RYR1: variants seen among roughly 807,000 people sequenced by gnomAD.
RYR1 encodes the protein ryanodine receptor 1, also known as central core disease of muscle.
In RYR1, 342 loss-of-function variants were observed where a neutral mutation model predicts 583.5. The observed-to-expected ratio is 0.59, with a 90% CI of 0.54 to 0.64. The LOEUF is 0.64. Among genes scored for constraint, RYR1 ranks in the 30% least tolerant of loss-of-function variants. The pLI, the probability that RYR1 is intolerant of heterozygous loss-of-function variation, is 0.00. For synonymous variants in RYR1, 2,791 were observed against 2,822.5 expected (o/e 0.99, Z 0.35); for missense variants, 6,032 against 6,917.2 (o/e 0.87, Z 4.54).
chr19:38,502,784 G>GGCAGGGGGAGGA (rs1970222459), intron 48 of RYR1, 57 bp downstream of exon 48: 2 of 1,181,036 alleles, frequency 1.7e-6, no homozygotes, highest in Non-Finnish European at 1.2e-6. Context: ...CAGGGGCAGG[G>GGCAGGGGGAGGA]GCAGGGGCAG....
chr19:38,470,696 T>C (rs1968377561), intron 27 of RYR1, among the ~76,000 whole-genome samples: 1 of 151,956 alleles, frequency 6.6e-6, no homozygotes, highest in East Asian at 1.9e-4. Context: ...TAAGCTGAGG[T>C]TGCACCACTG....
Position 38,526,426 on chromosome 19 carries a change from C to A in RYR1, c.10627-567C>A, listed in dbSNP as rs138283628. The stretch of plus-strand genomic sequence containing the variant: ...GACTTCTCCCCTGCTACCACCAGGA[C>A]ACCCCTTCCCTCAGAACCTCAGGCA... On this transcript the variant is annotated intron_variant, in intron 71 of 105. Transcript: ENST00000359596. 9.2e-5 allele frequency among the ~76,000 whole-genome samples: 14 copies of A among 151,922 alleles called. No individual in the cohort carries two copies. In the East Asian group the frequency reaches 2.7e-3, roughly 30 times the overall value.
At chr19:38,443,851 G>C (rs564338227) in intron 5 of RYR1, 55 bp downstream of exon 5, 5 of 1,527,100 alleles carry the variant, frequency 3.3e-6, no homozygotes, top group African/African-American at 1.4e-5. Context: ...AGGGATTCAG[G>C]GGGTAGAAGG....
rs1032640660 is a variant in RYR1, at chr19:38,444,449, G to C, written c.538-135G>C. On this transcript the variant is annotated intron_variant, in intron 6 of 105. Transcript: ENST00000359596. The surrounding 1 kb of genome is among the most constrained non-coding windows in gnomAD (Gnocchi z 5.1). ...CCATTGCCCGACTTGATCATTTCCT[G>C]ATCTGTGATCTCTGATGACTCTGTC... The C allele has an allele frequency of 6.9e-6, 6 of 866,524 alleles. No homozygotes were observed. The highest frequency in any genetic ancestry group is 1.7e-5 in the African/African-American group (1 of 59,880). 53.7% of individuals were successfully genotyped at this position (866,524 alleles called of 1,614,324 possible).
Position 38,516,093 on chromosome 19 carries a change from G to C in RYR1, c.9561G>C (p.Arg3187=). The C allele has an allele frequency of 1.3e-6, 2 of 1,548,636 alleles. No individual in the cohort carries two copies. The highest frequency in any genetic ancestry group is 1.7e-6 in the Non-Finnish European group (2 of 1,146,432). Reference sequence around the variant, plus strand: ...ACACAGCCCCGTCTTCCAGGCTTCGGCCAGCCCTCGGGGAGTGCCTGGCCC... The same window carrying C: ...ACACAGCCCCGTCTTCCAGGCTTCGCCCAGCCCTCGGGGAGTGCCTGGCCC... ...TTKNTYVEKL[R]PALGECLARL... is the part of the protein sequence containing the mutation. Residue 3187 remains arginine, a synonymous_variant, in exon 65 of 106, where the codon CGG becomes CGC. Coordinates refer to ENST00000359596, the MANE Select transcript of RYR1 (RefSeq NM_000540.3).
rs763831182 is a variant in RYR1, at chr19:38,561,293, C to G, written c.12463C>G (p.His4155Asp). ...LLTNLSEHVP[H>D]DPRLHNFLEL... ...GACCAACCTGTCGGAGCATGTGCCG[C>G]ATGACCCTCGCCTGCACAACTTCCT... The change falls in exon 90 of 106, where the codon CAT becomes GAT. Residue 4155 changes from histidine to aspartate, a missense_variant. Around this residue, in one of 11 missense-constraint regions of RYR1, gnomAD observed 753 missense variants for 759.6 expected, o/e 0.99. Coordinates refer to ENST00000359596, the MANE Select transcript of RYR1 (RefSeq NM_000540.3). The surrounding 1 kb of genome is among the most constrained non-coding windows in gnomAD (Gnocchi z 4.8). 3 of 1,614,060 alleles carry G rather than the reference C, an allele frequency of 1.9e-6. No homozygotes were observed. The highest frequency in any genetic ancestry group is 2.5e-6 in the Non-Finnish European group (3 of 1,180,030).
chr19:38,457,340 C>A (rs1214073238), intron 16 of RYR1, among the ~76,000 whole-genome samples, 157 bp from the exon 17 acceptor site: 1 of 152,098 alleles, frequency 6.6e-6, no homozygotes, highest in Non-Finnish European at 1.5e-5. Context: ...TTCTCTGATC[C>A]CTGACCTTCC....
At chr19:38,551,725 C>G (rs1437087792) in intron 89 of RYR1, among the ~76,000 whole-genome samples, 1 of 152,082 alleles carries the variant, frequency 6.6e-6, no homozygotes, top group East Asian at 1.9e-4. Context: ...TTTCGTTTCC[C>G]TCCCCAACCC....
At position 38,473,701 on chromosome 19, in the gene RYR1, G is replaced by T. The variant is rs35869497; in HGVS notation, c.4090G>T (p.Gly1364Trp). ...EGAPGGTPQA[G>W]GEAQPARAEN... The stretch of plus-strand genomic sequence containing the variant: ...CGCCCCCGGGGGCACCCCGCAGGCG[G>T]GGGGAGAGGCGCAGCCCGCCAGGGC... Residue 1364 changes from glycine (G) to tryptophan (W), a missense_variant, in exon 28 of 106, where the codon GGG (glycine) becomes TGG (tryptophan). Gly to Trp is a radical substitution (Grantham distance 184). This residue lies in a region of RYR1 where 2,627 missense variants were observed against 2,961.3 expected (regional missense o/e 0.89). Transcript: ENST00000359596. 3.2e-6 allele frequency: 5 copies of T among 1,549,432 alleles called. No homozygotes were observed. Among genetic ancestry groups the T allele is most frequent in the Admixed American group, 2.0e-5 (1 of 50,902 alleles).
At chr19:38,501,740 T>G (rs796484749) in intron 47 of RYR1, among the ~76,000 whole-genome samples, 2 of 152,012 alleles carry the variant, frequency 1.3e-5, no homozygotes, top group African/African-American at 4.8e-5. Flanking sequence ...TGTAATAACT[T>G]TGGGAGGCCG....
At chr19:38,465,323 G>C (rs575030696) in intron 23 of RYR1, among the ~76,000 whole-genome samples, 21 of 152,010 alleles carry the variant, frequency 1.4e-4, no homozygotes, top group African/African-American at 4.8e-4. Context: ...AAATTAGCAG[G>C]ACATGGTGGT....
intron 98 of RYR1, 46 bp downstream of exon 98, chr19:38,578,094 G>A (rs1226968208): frequency 1.2e-6 from 2 of 1,613,560 alleles, no homozygotes; most frequent in Middle Eastern, 1.6e-4. Context: ...TGCAGGGGAG[G>A]TGACTGGAGT....
At chr19:38,468,928 G>A in intron 25 of RYR1, 38 bp from the exon 26 acceptor site, 1 of 1,609,132 alleles carries the variant, frequency 6.2e-7, no homozygotes, top group South Asian at 1.1e-5. Context: ...TTCTCTGTGT[G>A]TCTCCCCACA....
At position 38,507,706 on chromosome 19, in the gene RYR1, A is replaced by G; in HGVS notation, c.8817-6A>G. 1 of 1,585,784 alleles carries G rather than the reference A, an allele frequency of 6.3e-7. No homozygotes were observed. Among genetic ancestry groups the G allele is most frequent in the South Asian group, 1.1e-5 (1 of 90,368 alleles). ...GGCTGATCCTTCTCTCCACATCTCCATGCAGAGGCCTTAAGGACATGGAAC... is the reference window on the plus strand; with the variant it reads ...GGCTGATCCTTCTCTCCACATCTCCGTGCAGAGGCCTTAAGGACATGGAAC... On this transcript the variant is annotated splice_region_variant and splice_polypyrimidine_tract_variant and intron_variant, in intron 57 of 105. Coordinates refer to ENST00000359596, the MANE Select transcript of RYR1 (RefSeq NM_000540.3).
chr19:38,584,964 G>A lies in RYR1; in HGVS notation c.14668G>A (p.Val4890Met), dbSNP rs1974402863. ...TCAGTGTTACCTGTTTCACATGTAC[G>A]TGGGTGTCCGGGCTGGCGGAGGCAT... ...MMTCYLFHMY[V>M]GVRAGGGIGD... Residue 4890 changes from valine to methionine, a missense_variant, in exon 102 of 106, where the codon GTG becomes ATG. Around this residue, in one of 11 missense-constraint regions of RYR1, gnomAD observed 189 missense variants for 350.3 expected, o/e 0.54. Coordinates refer to ENST00000359596, the MANE Select transcript of RYR1 (RefSeq NM_000540.3). 1.9e-6 allele frequency: 3 copies of A among 1,613,980 alleles called. No homozygotes were observed. Among genetic ancestry groups the A allele is most frequent in the Non-Finnish European group, 1.7e-6 (2 of 1,179,972 alleles).
rs377621703 is a variant in RYR1 at position 38,543,886 on chromosome 19, C to A, written c.12012+11C>A. 6.2e-7 allele frequency: 1 copy of A among 1,611,384 alleles called. No homozygotes were observed. Among genetic ancestry groups the A allele is most frequent in the South Asian group, 1.1e-5 (1 of 90,806 alleles). On this transcript the variant is annotated intron_variant, in intron 87 of 105. Coordinates refer to ENST00000359596, the MANE Select transcript of RYR1 (RefSeq NM_000540.3). This position sits in a 1 kb window ranked among gnomAD's most constrained non-coding sequence, Gnocchi z 4.4. Reference sequence around the variant, plus strand: ...ATGAAGCTCGCTCAGGTTCGAGCCCCTCTGGTCTCCATCCACCTGCTTCCG... The same window carrying A: ...ATGAAGCTCGCTCAGGTTCGAGCCCATCTGGTCTCCATCCACCTGCTTCCG...
intron 27 of RYR1, among the ~76,000 whole-genome samples, chr19:38,472,430 G>A (rs1201142584): frequency 6.6e-6 from 1 of 152,140 alleles, no homozygotes; most frequent in Non-Finnish European, 1.5e-5. Flanking sequence ...CTGAACACAG[G>A]TTCAGTTGCT....
intron 93 of RYR1, among the ~76,000 whole-genome samples, chr19:38,570,142 C>CA (rs1161710841): frequency 2.0e-5 from 3 of 152,016 alleles, no homozygotes; most frequent in Admixed American, 2.0e-4. Context: ...GCCTGGGTGA[C>CA]AGAGTGAGAC....
chr19:38,527,750 A>G lies in RYR1; in HGVS notation c.10790A>G (p.Gln3597Arg). The G allele has an allele frequency of 6.2e-7, 1 of 1,613,784 alleles. No homozygotes were observed. The highest frequency in any genetic ancestry group is 8.5e-7 in the Non-Finnish European group (1 of 1,179,902). ...DDPEKIVRRV[Q>R]EVSAVLYYLD... ...CCCGAGAAAATCGTGCGCAGAGTCCAGGAAGTGTCAGCCGTGCTCTACTAC... is the reference window on the plus strand; with the variant it reads ...CCCGAGAAAATCGTGCGCAGAGTCCGGGAAGTGTCAGCCGTGCTCTACTAC... The change falls in exon 73 of 106, where the codon CAG becomes CGG. Residue 3597 changes from glutamine to arginine, a missense_variant. Gln to Arg is a conservative substitution (Grantham distance 43, BLOSUM62 1). This residue lies in a region of RYR1 where 1,493 missense variants were observed against 1,715.5 expected (regional missense o/e 0.87). Coordinates refer to ENST00000359596, the MANE Select transcript of RYR1 (RefSeq NM_000540.3).
Sources: gnomAD v4.1 joint callset for allele counts (sites outside exome capture counted in the v4.1 genomes callset) on GRCh38, gnomAD v4.1.1 for gene constraint, gnomAD v4.1.1 regional missense constraint, Gnocchi (gnomAD v3.1) non-coding constraint, MANE v1.5 for transcripts, NCBI Gene and HGNC (gene_info 2026-07-23, HGNC 2026-07-21) for gene names.